The following CCNY variants were observed in gnomAD, a reference collection of about 807,000 sequenced individuals.
The protein encoded by CCNY is cyclin Y.
CCNY carries 19 observed loss-of-function variants against 42.8 expected under a neutral mutation model. That is an observed-to-expected ratio of 0.44 (90% CI 0.31 to 0.65). CCNY has a LOEUF of 0.65. CCNY is among the 30% of genes least tolerant of loss of function. CCNY has a pLI of 0.07. For missense variants in CCNY, 370 were observed against 437.3 expected (o/e 0.85, Z 1.37); for synonymous variants, 165 against 162.7 (o/e 1.01, Z -0.11).
chr10:35,426,207 C>G (rs1838269134), intron 1 of CCNY, among the ~76,000 whole-genome samples: 1 of 150,356 alleles, frequency 6.7e-6, no homozygotes, highest in African/African-American at 2.5e-5. Context: ...CCCATTCTCA[C>G]AACCCATTCA....
chr10:35,359,843 T>G (rs1836644101), intron 1 of CCNY, among the ~76,000 whole-genome samples: 1 of 152,254 alleles, frequency 6.6e-6, no homozygotes, highest in Non-Finnish European at 1.5e-5. Context: ...GGACCTCATA[T>G]AAGTGGATCC....
intron 1 of CCNY, among the ~76,000 whole-genome samples, chr10:35,345,969 C>T (rs1836293341): frequency 6.6e-6 from 1 of 152,208 alleles, no homozygotes; most frequent in African/African-American, 2.4e-5. Flanking sequence ...CCCAGGCTGT[C>T]TGCTAACTGT....
Position 35,394,831 on chromosome 10 carries a change from G to C in CCNY, c.154+57624G>C. On this transcript the variant is annotated intron_variant, in intron 1 of 9. Coordinates refer to ENST00000374704, the MANE Select transcript of CCNY (RefSeq NM_145012.6). Reference sequence around the variant, plus strand: ...TCCTGTTTAGGTGACCCCAGTGGCTGAAAGCAGGAGAAAGTGTTTCATCAC... The same window carrying C: ...TCCTGTTTAGGTGACCCCAGTGGCTCAAAGCAGGAGAAAGTGTTTCATCAC... The C allele has an allele frequency of 5.1e-6, 5 of 985,222 alleles. No individual in the cohort carries two copies. The South Asian group carries it at 1.4e-4, about 28-fold the overall frequency. 61.0% of individuals were successfully genotyped at this position (985,222 alleles called of 1,614,324 possible).
chr10:35,355,242 A>T (rs1457438733), intron 1 of CCNY, among the ~76,000 whole-genome samples: 2 of 152,222 alleles, frequency 1.3e-5, no homozygotes, highest in African/African-American at 4.8e-5. Context: ...AGAGAAGAGC[A>T]TTTGGAAATA....
chr10:35,386,198 G>T (rs567802789), intron 1 of CCNY, among the ~76,000 whole-genome samples: 1 of 152,224 alleles, frequency 6.6e-6, no homozygotes, highest in Non-Finnish European at 1.5e-5. Context: ...ATTACATTCT[G>T]TGAATTTATC....
chr10:35,293,204 G>A (rs1024872207), intron 3 of CCNY, among the ~76,000 whole-genome samples: 2 of 152,116 alleles, frequency 1.3e-5, no homozygotes, highest in African/African-American at 4.8e-5. Flanking sequence ...ATGAATATCA[G>A]TTGTCCCAGC....
chr10:35,380,393 G>A (rs1418436426), intron 1 of CCNY, among the ~76,000 whole-genome samples: 1 of 152,190 alleles, frequency 6.6e-6, no homozygotes, highest in African/African-American at 2.4e-5. Flanking sequence ...TCCTTCCAGT[G>A]TGGAATGTAT....
chr10:35,401,291 G>C (rs1368086712), intron 1 of CCNY, among the ~76,000 whole-genome samples: 1 of 152,218 alleles, frequency 6.6e-6, no homozygotes, highest in East Asian at 1.9e-4. Flanking sequence ...TACCAGGAAA[G>C]GAAGCTGCAG....
chr10:35,342,986 A>G (rs992973571), intron 1 of CCNY, among the ~76,000 whole-genome samples: 1 of 132,394 alleles, frequency 7.6e-6, no homozygotes, highest in Non-Finnish European at 1.6e-5. Context: ...AAGGACTTTT[A>G]CTTTCCTGCC....
chr10:35,322,378 A>T (rs1835831926), intron 3 of CCNY, among the ~76,000 whole-genome samples: 1 of 152,058 alleles, frequency 6.6e-6, no homozygotes, highest in Non-Finnish European at 1.5e-5. Flanking sequence ...AGGTAAAATT[A>T]AAATTTCTAA....
intron 1 of CCNY, among the ~76,000 whole-genome samples, chr10:35,409,216 A>G (rs1187624976): frequency 6.6e-6 from 1 of 152,182 alleles, no homozygotes; most frequent in African/African-American, 2.4e-5. Flanking sequence ...CTGCCTTACC[A>G]GGCAGGTCTC....
At chr10:35,561,237 C>T (rs563503164) in intron 8 of CCNY, among the ~76,000 whole-genome samples, 1 of 152,284 alleles carries the variant, frequency 6.6e-6, no homozygotes, top group African/African-American at 2.4e-5. Flanking sequence ...GGAAAAGAGT[C>T]AGTGGCTTGG....
intron 3 of CCNY, among the ~76,000 whole-genome samples, chr10:35,504,209 G>A (rs560915995): frequency 1.6e-4 from 24 of 152,180 alleles, no homozygotes; most frequent in Middle Eastern, 3.2e-3. Flanking sequence ...AAGACAAGGC[G>A]AGTGTTCACC....
intron 2 of CCNY, among the ~76,000 whole-genome samples, chr10:35,486,864 C>G (rs995496326): frequency 1.3e-5 from 2 of 152,224 alleles, no homozygotes; most frequent in Admixed American, 1.3e-4. Flanking sequence ...CAGGCTCCTC[C>G]TGCTGTCACT....
At chr10:35,282,455 C>T (rs1341228224) in intron 3 of CCNY, among the ~76,000 whole-genome samples, 3 of 151,764 alleles carry the variant, frequency 2.0e-5, no homozygotes, top group East Asian at 1.9e-4. Flanking sequence ...AGGCCAGGCA[C>T]GGTGGCTCAT....
chr10:35,478,525 A>G (rs1451627406), intron 1 of CCNY, among the ~76,000 whole-genome samples: 1 of 152,180 alleles, frequency 6.6e-6, no homozygotes, highest in Admixed American at 6.5e-5. Context: ...CCTGAGAAAA[A>G]CCAGCTATGG....
chr10:35,290,429 T>C (rs1286553463), intron 3 of CCNY, among the ~76,000 whole-genome samples: 6 of 151,150 alleles, frequency 4.0e-5, no homozygotes, highest in African/African-American at 1.5e-4. Flanking sequence ...AAAAAAAAAA[T>C]CATAAAAGGG....
chr10:35,448,727 T>G (rs1838846516), intron 1 of CCNY, among the ~76,000 whole-genome samples: 2 of 149,096 alleles, frequency 1.3e-5, no homozygotes, highest in Non-Finnish European at 1.5e-5. Flanking sequence ...TGGAGGGGAG[T>G]GGTCAGAGAG....
chr10:35,368,206 T>G (rs1402248737), intron 1 of CCNY, among the ~76,000 whole-genome samples: 2 of 152,206 alleles, frequency 1.3e-5, no homozygotes, highest in Admixed American at 6.5e-5. Flanking sequence ...AATGTGTGCT[T>G]AGTCTTTAGC....
Sources: allele counts gnomAD v4.1 joint callset (sites outside exome capture counted in the v4.1 genomes callset), GRCh38; gene constraint gnomAD v4.1.1; transcripts MANE v1.5; gene names NCBI Gene and HGNC (gene_info 2026-07-23, HGNC 2026-07-21).